SPPL2B: variants seen among roughly 807,000 people sequenced by gnomAD.
SPPL2B encodes the protein signal peptide peptidase-like 2B.
SPPL2B carries 39 observed loss-of-function variants against 59.7 expected under a neutral mutation model. The observed-to-expected ratio is 0.65, with a 90% CI of 0.51 to 0.85. SPPL2B has a LOEUF of 0.85. SPPL2B is among the 40% of genes least tolerant of loss of function. The pLI is 0.00. For synonymous variants in SPPL2B, 419 were observed against 370.8 expected (o/e 1.13, Z -1.49); for missense variants, 865 against 849.0 (o/e 1.02, Z -0.23).
chr19:2,345,467 C>A, intron 13 of SPPL2B, 137 bp downstream of exon 13: 2 of 726,594 alleles, frequency 2.8e-6, no homozygotes, highest in Non-Finnish European at 4.7e-6. Flanking sequence ...AACCATAACA[C>A]CCTAACCCTA....
At chr19:2,341,354 C>T (rs1388550503) in intron 8 of SPPL2B, 4 of 515,192 alleles carry the variant, frequency 7.8e-6, no homozygotes, top group East Asian at 5.2e-5. Context: ...TTTCCTGGCA[C>T]CCACGTGCAC....
intron 1 of SPPL2B, 123 bp from the exon 2 acceptor site, chr19:2,334,479 C>A: frequency 4.5e-6 from 6 of 1,346,046 alleles, no homozygotes; most frequent in Non-Finnish European, 6.0e-6. Context: ...GCATCCCAGA[C>A]CACCTGGTGA....
chr19:2,351,104 G>T (rs756166594), intron 13 of SPPL2B, among the ~76,000 whole-genome samples: 4 of 152,152 alleles, frequency 2.6e-5, no homozygotes, highest in African/African-American at 9.7e-5. Flanking sequence ...GACACGTCTC[G>T]CAGCCCCCTC....
At position 2,351,492 on chromosome 19, in the gene SPPL2B, G is replaced by T; in HGVS notation, c.1413G>T (p.Gln471His). ...FVALALMQRG[Q>H]PALLYLVPCT... ...CACTGGCCCTGATGCAGCGTGGCCA[G>T]CCCGCTCTCCTCTACCTGGTGCCCT... The change falls in exon 14 of 15, where the codon CAG becomes CAT. Residue 471 changes from glutamine (Q) to histidine (H), a missense_variant. Transcript: ENST00000613503. 6.2e-7 allele frequency: 1 copy of T among 1,610,428 alleles called. No individual in the cohort carries two copies. The highest frequency in any genetic ancestry group is 8.5e-7 in the Non-Finnish European group (1 of 1,179,426).
rs748444144 is a variant in SPPL2B at position 2,337,422 on chromosome 19, A to C, written c.187-21A>C. 3 of 1,577,010 alleles carry C rather than the reference A, an allele frequency of 1.9e-6. No homozygotes were observed. The East Asian group carries it at 6.8e-5, about 36-fold the overall frequency. On this transcript the variant is annotated intron_variant, in intron 2 of 14. Transcript: ENST00000613503. The stretch of plus-strand genomic sequence containing the variant: ...GGTGACTCACATCACGTGAGACAAC[A>C]CTGTGCCCTGGCCTTTCCAGTCTTT...
chr19:2,336,013 T>C (rs1044248716), intron 2 of SPPL2B, among the ~76,000 whole-genome samples: 8 of 152,258 alleles, frequency 5.3e-5, no homozygotes, highest in African/African-American at 1.9e-4. Context: ...AATAGGTATG[T>C]GAACACATGT....
At chr19:2,348,523 T>C (rs1307631281) in intron 13 of SPPL2B, among the ~76,000 whole-genome samples, 1 of 149,898 alleles carries the variant, frequency 6.7e-6, no homozygotes, top group South Asian at 2.1e-4. Context: ...TTCCGTTCTC[T>C]CTCCCTCCAC....
At position 2,340,962 on chromosome 19, in the gene SPPL2B, C is replaced by G; in HGVS notation, c.904C>G (p.Leu302Val). ...RPQARMLLLALFCVAVSVVWG... is the reference protein window; with the variant it reads ...RPQARMLLLAVFCVAVSVVWG... ...GCAGGCCCGTATGCTGCTCCTGGCG[C>G]TCTTCTGCGTGGCCGTCAGCGTGGT... The change falls in exon 8 of 15, where the codon CTC becomes GTC. Residue 302 changes from leucine (L) to valine (V), a missense_variant. Physicochemically the swap from Leu to Val is conservative, Grantham distance 32. Transcript: ENST00000613503. 6.2e-7 allele frequency: 1 copy of G among 1,604,658 alleles called. No homozygotes were observed. The highest frequency in any genetic ancestry group is 8.5e-7 in the Non-Finnish European group (1 of 1,179,592).
chr19:2,340,395 G>T, intron 7 of SPPL2B: 1 of 617,808 alleles, frequency 1.6e-6, no homozygotes, highest in East Asian at 2.9e-5. Context: ...CGGGGGGAGG[G>T]TGCCCTTGTC....
intron 14 of SPPL2B, among the ~76,000 whole-genome samples, chr19:2,352,399 C>T (rs1421745946): frequency 1.3e-5 from 2 of 152,212 alleles, no homozygotes; most frequent in Admixed American, 6.5e-5. Context: ...TGCCGCGCTT[C>T]TCAGCGGTGC....
At chr19:2,343,581 G>T (rs1423482461) in intron 9 of SPPL2B, among the ~76,000 whole-genome samples, 1 of 152,138 alleles carries the variant, frequency 6.6e-6, no homozygotes, top group Non-Finnish European at 1.5e-5. Context: ...CTGGCCTCAG[G>T]TGGTACCGGG....
chr19:2,337,611 A>G lies in SPPL2B; in HGVS notation c.355A>G (p.Ser119Gly). Reference sequence around the variant, plus strand: ...CGGAGCACGCGGGCTGCTCATCGTCAGCAGGGAGAGGCTGGTACGGCCCTG... The same window carrying G: ...CGGAGCACGCGGGCTGCTCATCGTCGGCAGGGAGAGGCTGGTACGGCCCTG... The part of the protein sequence containing the change: ...GSGARGLLIV[S>G]RERLVPPGGN... Residue 119 changes from serine (S) to glycine (G), a missense_variant, in exon 3 of 15, where the codon AGC becomes GGC. Physicochemically the swap from Ser to Gly is moderately conservative, Grantham distance 56. Coordinates refer to ENST00000613503, the MANE Select transcript of SPPL2B (RefSeq NM_152988.3). 1 of 1,584,984 alleles carries G rather than the reference A, an allele frequency of 6.3e-7. No homozygotes were observed. Among genetic ancestry groups the G allele is most frequent in the Non-Finnish European group, 8.6e-7 (1 of 1,163,720 alleles).
In SPPL2B at chr19:2,332,826, C is replaced by T. The variant is rs1305888209; in HGVS notation, c.67-1776C>T. Among the ~76,000 whole-genome samples the T allele has an allele frequency of 1.3e-5, 2 of 152,154 alleles. No homozygotes were observed. The highest frequency in any genetic ancestry group is 1.9e-4 in the East Asian group (1 of 5,198). ...ACAGCAGCTGGGACCTGGGCCCCAT[C>T]GCTGTGAGACCCTCTGGTGACTGGC... On this transcript the variant is annotated intron_variant, in intron 1 of 14. Coordinates refer to ENST00000613503, the MANE Select transcript of SPPL2B (RefSeq NM_152988.3). This position sits in a 1 kb window ranked among gnomAD's most constrained non-coding sequence, Gnocchi z 4.6.
At chr19:2,341,643 G>A (rs1361166005) in intron 8 of SPPL2B, 1 of 455,624 alleles carries the variant, frequency 2.2e-6, no homozygotes, top group East Asian at 7.0e-5. Context: ...CCTTCCTGAG[G>A]CAGCCAAGTA....
chr19:2,339,434 G>T (rs1051623118), intron 5 of SPPL2B, among the ~76,000 whole-genome samples: 7 of 152,172 alleles, frequency 4.6e-5, no homozygotes, highest in African/African-American at 1.4e-4. Flanking sequence ...GGGCAGGTGT[G>T]GATGTGGCAG....
At position 2,343,281 on chromosome 19, in the gene SPPL2B, C is replaced by T; in HGVS notation, c.1027C>T (p.Pro343Ser). 6.4e-7 allele frequency: 1 copy of T among 1,553,176 alleles called. No individual in the cohort carries two copies. Among genetic ancestry groups the T allele is most frequent in the African/African-American group, 1.4e-5 (1 of 73,302 alleles). ...CLYMLKTIRL[P>S]TFKACTLLLL... is the part of the protein sequence containing the mutation. ...CTACATGCTGAAGACCATCCGTCTG[C>T]CCACCTTCAAGGTGAGTGCAGGGAG... Residue 343 changes from proline (P) to serine (S), a missense_variant, in exon 9 of 15, where the codon CCC (proline) becomes TCC (serine). Pro to Ser is a moderately conservative substitution (Grantham distance 74, BLOSUM62 -1). Coordinates refer to ENST00000613503, the MANE Select transcript of SPPL2B (RefSeq NM_152988.3).
chr19:2,347,065 C>T (rs1230504739), intron 13 of SPPL2B, among the ~76,000 whole-genome samples: 2 of 152,214 alleles, frequency 1.3e-5, no homozygotes, highest in African/African-American at 4.8e-5. Context: ...CTCCCGTGTG[C>T]CCCGTTCTCA....
At chr19:2,343,854 C>G (rs1969199123) in intron 9 of SPPL2B, 111 bp from the exon 10 acceptor site, 2 of 797,838 alleles carry the variant, frequency 2.5e-6, no homozygotes, top group Non-Finnish European at 4.2e-6. Flanking sequence ...GCACGCTCTG[C>G]TCAGGTTCCT....
At chr19:2,351,994 C>T (rs1296495538) in intron 14 of SPPL2B, among the ~76,000 whole-genome samples, 1 of 152,160 alleles carries the variant, frequency 6.6e-6, no homozygotes, top group Non-Finnish European at 1.5e-5. Flanking sequence ...GAGAGCGAGG[C>T]GCCTGACTGG....
Sources: gnomAD v4.1 joint callset for allele counts (sites outside exome capture counted in the v4.1 genomes callset) on GRCh38, gnomAD v4.1.1 for gene constraint, Gnocchi (gnomAD v3.1) non-coding constraint, MANE v1.5 for transcripts, NCBI Gene and HGNC (gene_info 2026-07-23, HGNC 2026-07-21) for gene names.